BAIAP2L1: variants seen among roughly 807,000 people sequenced by gnomAD.
The protein encoded by BAIAP2L1 is BAR/IMD domain containing adaptor protein 2 like 1.
A neutral mutation model predicts 66.3 loss-of-function variants in BAIAP2L1; 35 were observed. The ratio of observed to expected loss-of-function variants is 0.53; its 90% confidence interval spans 0.40 to 0.70. The LOEUF is 0.70. Ranked by LOEUF, BAIAP2L1 falls within the 30% of genes least tolerant of loss-of-function variation. The pLI, the probability that BAIAP2L1 is intolerant of heterozygous loss-of-function variation, is 0.00. For missense variants in BAIAP2L1, 622 were observed against 656.9 expected (o/e 0.95, Z 0.58); for synonymous variants, 269 against 248.7 (o/e 1.08, Z -0.77).
intron 11 of BAIAP2L1, among the ~76,000 whole-genome samples, chr7:98,304,838 TGG>T (rs1562965965): frequency 2.0e-5 from 3 of 151,000 alleles, no homozygotes; most frequent in Non-Finnish European, 4.4e-5. Context: ...ATGTTTTTAG[TGG>T]TTTCTAAACA....
At chr7:98,399,337 C>T (rs148749234) in intron 1 of BAIAP2L1, among the ~76,000 whole-genome samples, 3 of 152,136 alleles carry the variant, frequency 2.0e-5, no homozygotes, top group Non-Finnish European at 4.4e-5. Flanking sequence ...ATAAACGGAA[C>T]GGATCTCTTG....
At position 98,294,098 on chromosome 7, in the gene BAIAP2L1, C is replaced by G; in HGVS notation, c.1436G>C (p.Gly479Ala). The G allele has an allele frequency of 6.2e-7, 1 of 1,614,104 alleles. No individual in the cohort carries two copies. The highest frequency in any genetic ancestry group is 1.1e-5 in the South Asian group (1 of 91,080). Residue 479 changes from glycine (G) to alanine (A), a missense_variant, in exon 13 of 14, where the codon GGG becomes GCG. Coordinates refer to ENST00000005260, the MANE Select transcript of BAIAP2L1 (RefSeq NM_018842.5). ...CCTGAGAAAAGGCGGCTTTGCAGTC[C>G]CGTTGGCATCGTTCTGTGAGAAAGA... is the stretch of plus-strand genomic sequence containing the variant. ...PETAAPNDAN[G>A]TAKPPFLSGE... is the part of the protein sequence containing the mutation.
intron 1 of BAIAP2L1, among the ~76,000 whole-genome samples, chr7:98,368,326 G>A (rs1430878327): frequency 2.6e-5 from 4 of 152,150 alleles, no homozygotes; most frequent in African/African-American, 4.8e-5. Flanking sequence ...GGCTGAGGCC[G>A]GAGAATTGCT....
chr7:98,330,459 A>G (rs1166232938), intron 3 of BAIAP2L1, among the ~76,000 whole-genome samples: 1 of 152,026 alleles, frequency 6.6e-6, no homozygotes, highest in Non-Finnish European at 1.5e-5. Flanking sequence ...GGAGTTCTAG[A>G]CCAGCTGGAC....
chr7:98,390,333 G>A (rs558989563), intron 1 of BAIAP2L1, among the ~76,000 whole-genome samples: 8 of 152,230 alleles, frequency 5.3e-5, no homozygotes, highest in East Asian at 3.9e-4. Flanking sequence ...AGGAGATGGC[G>A]AATTTTAGCT....
rs1801035222 is a variant in BAIAP2L1, at chr7:98,315,360, T to C, written c.639+100A>G. ...CCAGGCCCACCTCAGCCTCCCAAAG[T>C]GCTGGGATTACAGGCGTGGGCCACG... On this transcript the variant is annotated intron_variant, in intron 7 of 13. Transcript: ENST00000005260. 3 of 1,164,224 alleles carry C rather than the reference T, an allele frequency of 2.6e-6. No homozygotes were observed. In the South Asian group the frequency reaches 1.0e-4, roughly 40 times the overall value. The allele number at this position is 1,164,224 out of a possible 1,614,324, so 72.1% of individuals were successfully genotyped here. A position where few individuals can be genotyped will look rare whatever the true frequency, so the allele number is the denominator to read the frequency against.
rs151111544 is a variant in BAIAP2L1, at chr7:98,367,904, G to A, written c.52-5472C>T. On this transcript the variant is annotated intron_variant, in intron 1 of 13. Transcript: ENST00000005260. ...CTCCCAAAGTGCTGGGATTACAGGC[G>A]TGAGCCACCACGCTTGGCCGGGTTT... Among the ~76,000 whole-genome samples, 273 of 151,968 alleles carry A rather than the reference G, an allele frequency of 1.8e-3. 2 individuals carry two copies. In the East Asian group the frequency reaches 0.03, roughly 17 times the overall value.
chr7:98,358,683 T>C (rs1285474384), intron 2 of BAIAP2L1, among the ~76,000 whole-genome samples: 1 of 152,130 alleles, frequency 6.6e-6, no homozygotes, highest in African/African-American at 2.4e-5. Context: ...GTTGGCCAAC[T>C]ACTTCATCAG....
intron 12 of BAIAP2L1, among the ~76,000 whole-genome samples, chr7:98,297,338 C>G (rs994897620): frequency 6.6e-6 from 1 of 152,206 alleles, no homozygotes; most frequent in Non-Finnish European, 1.5e-5. Context: ...GGTTGGGGGA[C>G]TAGTTGACCT....
chr7:98,397,180 TGA>T (rs1373020975), intron 1 of BAIAP2L1, among the ~76,000 whole-genome samples: 4 of 152,216 alleles, frequency 2.6e-5, no homozygotes, highest in East Asian at 1.9e-4. Context: ...GTCTGCAATC[TGA>T]GAGTCTGAGC....
chr7:98,361,852 C>T (rs1425964284), intron 2 of BAIAP2L1, among the ~76,000 whole-genome samples: 1 of 152,150 alleles, frequency 6.6e-6, no homozygotes, highest in African/African-American at 2.4e-5. Context: ...CATCCCGCCA[C>T]ACACTCCTGA....
chr7:98,370,458 CTTT>C (rs930137422), intron 1 of BAIAP2L1, among the ~76,000 whole-genome samples: 21 of 150,502 alleles, frequency 1.4e-4, no homozygotes, highest in African/African-American at 4.4e-4. Context: ...ATATATACTT[CTTT>C]ATTACTGTAC....
chr7:98,368,122 T>C (rs1180516004), intron 1 of BAIAP2L1, among the ~76,000 whole-genome samples: 1 of 152,078 alleles, frequency 6.6e-6, no homozygotes, highest in South Asian at 2.1e-4. Context: ...GAGAATGTTA[T>C]ATAAAAGGAA....
intron 3 of BAIAP2L1, among the ~76,000 whole-genome samples, chr7:98,329,366 G>A (rs1245002784): frequency 2.0e-5 from 3 of 152,160 alleles, no homozygotes; most frequent in East Asian, 1.9e-4. Context: ...CTCTTACACC[G>A]CAGTGGAAGA....
rs578114021 is a variant in BAIAP2L1 at position 98,298,849 on chromosome 7, G to A, written c.1423-4738C>T. Among the ~76,000 whole-genome samples the A allele has an allele frequency of 3.3e-5, 5 of 152,090 alleles. 1 individual carries two copies. Among genetic ancestry groups the A allele is most frequent in the South Asian group, 4.2e-4 (2 of 4,806 alleles). On this transcript the variant is annotated intron_variant, in intron 12 of 13. Transcript: ENST00000005260. ...CCGGGGCTTTCAGGTGGCAAAGGCT[G>A]CCATTGTTTTTGAGACAGGTCTTGC...
chr7:98,388,520 T>C (rs1802950245), intron 1 of BAIAP2L1, among the ~76,000 whole-genome samples: 2 of 149,780 alleles, frequency 1.3e-5, no homozygotes, highest in Admixed American at 6.7e-5. Context: ...AACCCATGTT[T>C]TGCATGTTTA....
At chr7:98,293,629 C>A (rs748601445) in intron 13 of BAIAP2L1, 33 bp from the exon 14 acceptor site, 1 of 1,594,546 alleles carries the variant, frequency 6.3e-7, no homozygotes, top group Admixed American at 1.7e-5. Flanking sequence ...TTCAGAACTT[C>A]TGCTCTACGA....
At chr7:98,351,958 C>T (rs1424578401) in intron 3 of BAIAP2L1, among the ~76,000 whole-genome samples, 5 of 152,110 alleles carry the variant, frequency 3.3e-5, no homozygotes, top group East Asian at 3.9e-4. Context: ...AACACCCCTT[C>T]GAGTTTTCTC....
chr7:98,354,941 C>T, intron 3 of BAIAP2L1, 101 bp downstream of exon 3: 1 of 852,902 alleles, frequency 1.2e-6, no homozygotes, highest in South Asian at 1.4e-5. Flanking sequence ...GCATGCTGGC[C>T]CAGATCTCTC....
Sources: gnomAD v4.1 joint callset for allele counts (sites outside exome capture counted in the v4.1 genomes callset) on GRCh38, gnomAD v4.1.1 for gene constraint, MANE v1.5 for transcripts, NCBI Gene and HGNC (gene_info 2026-07-23, HGNC 2026-07-21) for gene names.